The following PDE4D variants were observed in gnomAD, a reference collection of about 807,000 sequenced individuals.
PDE4D encodes the protein phosphodiesterase 4D.
In PDE4D, 24 loss-of-function variants were observed where a neutral mutation model predicts 87.4. The observed-to-expected ratio is 0.27, with a 90% CI of 0.20 to 0.39. The LOEUF is 0.39. PDE4D is among the 10% of genes least tolerant of loss of function. The probability of loss-of-function intolerance (pLI) is 1.00; values close to 1 mark genes in which losing one functional copy is unlikely to be tolerated. For missense variants in PDE4D, 714 were observed against 1,041.0 expected, an observed-to-expected ratio of 0.69 and a Z score of 4.32; for synonymous variants, 384 against 383.2, an observed-to-expected ratio of 1.00 and a Z score of -0.02.
intron 1 of PDE4D, among the ~76,000 whole-genome samples, chr5:59,692,919 A>G (rs1011587360): frequency 2.6e-5 from 4 of 152,162 alleles, no homozygotes; most frequent in African/African-American, 9.7e-5. Flanking sequence ...TTATGAGGCT[A>G]AAGTATGAGA....
At chr5:59,745,988 T>C (rs1759548643) in intron 1 of PDE4D, among the ~76,000 whole-genome samples, 1 of 152,192 alleles carries the variant, frequency 6.6e-6, no homozygotes. Context: ...TGGCATCATC[T>C]TGTAAAAGTA....
At chr5:58,980,141 G>A (rs1580061442) in intron 11 of PDE4D, among the ~76,000 whole-genome samples, 1 of 152,180 alleles carries the variant, frequency 6.6e-6, no homozygotes, top group East Asian at 1.9e-4. Flanking sequence ...AGCCATATAG[G>A]TGGGAAGTAA....
At chr5:59,310,616 C>T (rs1455963009) in intron 1 of PDE4D, among the ~76,000 whole-genome samples, 1 of 152,158 alleles carries the variant, frequency 6.6e-6, no homozygotes, top group African/African-American at 2.4e-5. Context: ...ACAGTTCTTC[C>T]TCTACACTGA....
At chr5:59,377,116 C>T (rs1784858637) in intron 1 of PDE4D, among the ~76,000 whole-genome samples, 1 of 151,942 alleles carries the variant, frequency 6.6e-6, no homozygotes, top group South Asian at 2.1e-4. Context: ...GACACAGGAA[C>T]AGGTGAAGAT....
chr5:60,152,294 C>T (rs995674477), intron 2 of PDE4D, among the ~76,000 whole-genome samples: 1 of 152,106 alleles, frequency 6.6e-6, no homozygotes, highest in African/African-American at 2.4e-5. Context: ...GTTCCCTCTT[C>T]TTCATTTTTT....
intron 5 of PDE4D, among the ~76,000 whole-genome samples, chr5:59,119,417 A>G (rs902157424): frequency 3.3e-5 from 5 of 152,226 alleles, no homozygotes; most frequent in Admixed American, 3.3e-4. Flanking sequence ...GGAAATTGAA[A>G]TAATTATTTA....
At chr5:59,871,622 T>C (rs544761053) in intron 1 of PDE4D, among the ~76,000 whole-genome samples, 3 of 152,322 alleles carry the variant, frequency 2.0e-5, no homozygotes, top group African/African-American at 7.2e-5. Flanking sequence ...AGTATTTGAA[T>C]ATAACCTAAG....
At position 59,595,152 on chromosome 5, in the gene PDE4D, T is replaced by C. The variant is rs149370165; in HGVS notation, c.455+298016A>G. ...TTATGGATGCTAAAATTGCTATTTG[T>C]AATGTCAATAGATTCCATTTTCTTT... On this transcript the variant is annotated intron_variant, in intron 1 of 14. Transcript: ENST00000340635. Among the ~76,000 whole-genome samples the C allele has an allele frequency of 1.0e-2, 1,520 of 152,338 alleles. 11 individuals carry two copies. The highest frequency in any genetic ancestry group is 0.018 in the Non-Finnish European group (1,224 of 68,022).
At chr5:59,350,571 A>G (rs149129920) in intron 1 of PDE4D, among the ~76,000 whole-genome samples, 22 of 152,326 alleles carry the variant, frequency 1.4e-4, no homozygotes, top group African/African-American at 4.6e-4. Context: ...TAATAGGTTC[A>G]TTCATTCAAT....
At chr5:60,502,333 G>A (rs1460136376) in intron 1 of PDE4D, among the ~76,000 whole-genome samples, 1 of 152,136 alleles carries the variant, frequency 6.6e-6, no homozygotes, top group Admixed American at 6.6e-5. Flanking sequence ...CATTATTTCT[G>A]AGGGCTCTGT....
At chr5:60,437,824 T>C (rs1370605168) in intron 1 of PDE4D, among the ~76,000 whole-genome samples, 2 of 152,270 alleles carry the variant, frequency 1.3e-5, no homozygotes, top group African/African-American at 2.4e-5. Flanking sequence ...TATGTTTCCA[T>C]ATCAATCCTG....
intron 1 of PDE4D, among the ~76,000 whole-genome samples, chr5:59,612,237 T>TTATTTG (rs67356056): frequency 8.0e-5 from 12 of 150,396 alleles, no homozygotes; most frequent in Non-Finnish European, 4.4e-5. Flanking sequence ...ACACTGTTTT[T>TTATTTG]TTTGTTTGTT....
intron 1 of PDE4D, among the ~76,000 whole-genome samples, chr5:59,877,263 T>C (rs1321765151): frequency 6.6e-6 from 1 of 152,172 alleles, no homozygotes; most frequent in Non-Finnish European, 1.5e-5. Flanking sequence ...ATGCAAAGGC[T>C]TGTTAAGTGT....
chr5:60,281,606 A>G lies in PDE4D; in HGVS notation c.-89-95919T>C, dbSNP rs1384229126. On this transcript the variant is annotated intron_variant, in intron 1 of 16. Transcript: ENST00000502484. ...AAGAATTTATTTCAATAGATAGTAG[A>G]TCTTATTCAGGACAGTTTTAACATG... 3.3e-5 allele frequency among the ~76,000 whole-genome samples: 5 copies of G among 152,312 alleles called. No homozygotes were observed. In the East Asian group the frequency reaches 7.7e-4, roughly 23 times the overall value.
intron 1 of PDE4D, among the ~76,000 whole-genome samples, chr5:60,292,770 G>A (rs887976340): frequency 6.6e-6 from 1 of 152,112 alleles, no homozygotes; most frequent in East Asian, 1.9e-4. Flanking sequence ...GCAGAGACTG[G>A]TACTGTCAAC....
At chr5:59,180,380 A>G (rs1034013050) in intron 5 of PDE4D, 3 of 704,412 alleles carry the variant, frequency 4.3e-6, no homozygotes, top group Non-Finnish European at 7.8e-6. Flanking sequence ...GTTAAAAATA[A>G]TGTACATCAG....
chr5:59,836,642 C>CTATCTATATATA (rs1554095480), intron 1 of PDE4D, among the ~76,000 whole-genome samples: 1 of 148,850 alleles, frequency 6.7e-6, no homozygotes, highest in African/African-American at 2.5e-5. Flanking sequence ...ATCTATCTAT[C>CTATCTATATATA]TATCTATCTA....
At chr5:59,616,176 G>A (rs1318092796) in intron 1 of PDE4D, among the ~76,000 whole-genome samples, 1 of 151,376 alleles carries the variant, frequency 6.6e-6, no homozygotes, top group Non-Finnish European at 1.5e-5. Context: ...GTGTCCATGT[G>A]TCTTAGTAGT....
At chr5:60,499,260 A>T (rs1425822199) in intron 1 of PDE4D, among the ~76,000 whole-genome samples, 1 of 152,212 alleles carries the variant, frequency 6.6e-6, no homozygotes, top group African/African-American at 2.4e-5. Flanking sequence ...TGCATGCATT[A>T]TGCCATTTAA....
Sources: allele counts gnomAD v4.1 joint callset (sites outside exome capture counted in the v4.1 genomes callset), GRCh38; gene constraint gnomAD v4.1.1; transcripts MANE v1.5; gene names NCBI Gene and HGNC (gene_info 2026-07-23, HGNC 2026-07-21).